TRIM14: variants seen among roughly 807,000 people sequenced by gnomAD.
TRIM14 encodes tripartite motif containing 14.
TRIM14 carries 28 observed loss-of-function variants against 44.5 expected under a neutral mutation model. That is an observed-to-expected ratio of 0.63 (90% CI 0.47 to 0.86). The LOEUF (loss-of-function observed/expected upper bound fraction) is 0.86, where lower values mean the gene tolerates loss of function less well. Among genes scored for constraint, TRIM14 ranks in the 40% least tolerant of loss-of-function variants. The pLI is 0.00. For synonymous variants in TRIM14, 299 were observed against 269.2 expected (o/e 1.11, Z -1.08); for missense variants, 607 against 611.1 (o/e 0.99, Z 0.07).
chr9:98,042,358 T>G, the TRIM14 span, among the ~76,000 whole-genome samples: 110 of 151,914 alleles, frequency 7.2e-4, no homozygotes, highest in African/African-American at 2.3e-3. Context: ...ACACTTAGTA[T>G]CTATTATTAA....
At chr9:98,079,981 A>C (rs932902963), downstream of TRIM14, among the ~76,000 whole-genome samples, 4 of 152,250 alleles carry the variant, frequency 2.6e-5, no homozygotes, top group African/African-American at 9.6e-5. Flanking sequence ...TGGGAGGCTG[A>C]GGCAGGTGGA....
In TRIM14 at chr9:98,101,395, G is replaced by A. The variant is rs187796035; in HGVS notation, c.304-1231C>T. On this transcript the variant is annotated intron_variant, in intron 2 of 5. Coordinates refer to ENST00000341469, the MANE Select transcript of TRIM14 (RefSeq NM_014788.4). ...GGGTGGTAGGGTCTATTGGTACTTCGCTTTTAGAGGACAATACGACAATAG... is the reference window on the plus strand; with the variant it reads ...GGGTGGTAGGGTCTATTGGTACTTCACTTTTAGAGGACAATACGACAATAG... Among the ~76,000 whole-genome samples, 12 of 151,886 alleles carry A rather than the reference G, an allele frequency of 7.9e-5. No individual in the cohort carries two copies. In the East Asian group the frequency reaches 1.2e-3, roughly 15 times the overall value.
At chr9:98,041,689 G>GT in the TRIM14 span, among the ~76,000 whole-genome samples, 682 of 141,344 alleles carry the variant, frequency 4.8e-3, 6 homozygotes, top group African/African-American at 0.012. Flanking sequence ...TTTTGTTTTC[G>GT]TTTTTTTTTT....
intron 6 of TRIM14, among the ~76,000 whole-genome samples, chr9:98,071,580 G>A (rs921654746): frequency 4.3e-4 from 66 of 152,324 alleles, no homozygotes; most frequent in African/African-American, 1.4e-3. Flanking sequence ...AGCAACCTGG[G>A]CTAAGGGCTA....
intron 3 of TRIM14, among the ~76,000 whole-genome samples, 153 bp downstream of exon 3, chr9:98,099,778 G>C (rs1826319935): frequency 6.6e-6 from 1 of 152,192 alleles, no homozygotes; most frequent in Admixed American, 6.5e-5. Flanking sequence ...ATATTCTCTT[G>C]ACCACCTGTG....
chr9:98,042,494 TA>T, the TRIM14 span, among the ~76,000 whole-genome samples: 2 of 152,156 alleles, frequency 1.3e-5, no homozygotes, highest in African/African-American at 2.4e-5. Flanking sequence ...ACTTGATCAA[TA>T]AATGCAAACA....
downstream of TRIM14, chr9:98,083,084 G>A (rs367667946): frequency 5.1e-5 from 82 of 1,605,248 alleles, no homozygotes; most frequent in Non-Finnish European, 6.8e-5. Context: ...TGAATTCTCA[G>A]TTCCCTTGCT....
Position 98,100,093 on chromosome 9 carries a change from C to G in TRIM14, c.375G>C (p.Glu125Asp). 6.2e-7 allele frequency: 1 copy of G among 1,614,180 alleles called. No individual in the cohort carries two copies. The highest frequency in any genetic ancestry group is 8.5e-7 in the Non-Finnish European group (1 of 1,180,028). Residue 125 changes from glutamate (E) to aspartate (D), a missense_variant, in exon 3 of 6, where the codon GAG (glutamate) becomes GAC (aspartate). This residue lies in a region of TRIM14 where 246 missense variants were observed against 270.8 expected (regional missense o/e 0.91). Transcript: ENST00000341469. ...FTELRLLLDE[E>D]EALAKKFIDK... is the part of the protein sequence containing the mutation. ...CAATGAATTTCTTGGCCAGCGCTTCCTCTTCGTCAAGTAGTAATCTGAGTT... is the reference window on the plus strand; with the variant it reads ...CAATGAATTTCTTGGCCAGCGCTTCGTCTTCGTCAAGTAGTAATCTGAGTT...
At chr9:98,075,951 A>G (rs1051681334) in intron 6 of TRIM14, 1 of 152,156 alleles carries the variant, frequency 6.6e-6, no homozygotes, top group African/African-American at 2.4e-5. Context: ...TTCAGCAAGC[A>G]TTTGCTGACA....
the TRIM14 span, among the ~76,000 whole-genome samples, chr9:98,062,040 A>G: frequency 4.0e-5 from 6 of 151,740 alleles, no homozygotes; most frequent in East Asian, 9.8e-4. Flanking sequence ...TGGGCAACAC[A>G]GGGAGACCCT....
the TRIM14 span, among the ~76,000 whole-genome samples, chr9:98,058,372 A>C: frequency 6.6e-6 from 1 of 151,748 alleles, no homozygotes; most frequent in African/African-American, 2.4e-5. Flanking sequence ...TTTTTACAAC[A>C]ACCCAATGCC....
chr9:98,071,064 G>T (rs375278658), intron 6 of TRIM14, among the ~76,000 whole-genome samples: 3 of 152,066 alleles, frequency 2.0e-5, no homozygotes, highest in Non-Finnish European at 4.4e-5. Context: ...CTCCCACCTC[G>T]GCCTCCCAAA....
chr9:98,066,681 C>T (rs559897062), downstream of TRIM14, among the ~76,000 whole-genome samples: 4 of 150,316 alleles, frequency 2.7e-5, no homozygotes, highest in East Asian at 1.9e-4. Context: ...GACAGAGTCT[C>T]GCTCTATTGC....
chr9:98,061,111 C>T, the TRIM14 span: 2 of 1,012,730 alleles, frequency 2.0e-6, no homozygotes, highest in Non-Finnish European at 3.0e-6. Context: ...TTTCTGTTCC[C>T]AGCTACTGGA....
chr9:98,040,054 G>T, the TRIM14 span, among the ~76,000 whole-genome samples: 1 of 152,046 alleles, frequency 6.6e-6, no homozygotes, highest in African/African-American at 2.4e-5. Flanking sequence ...ATGTTGCCTA[G>T]GCTGCTCTTG....
At chr9:98,053,152 G>A in the TRIM14 span, among the ~76,000 whole-genome samples, 1 of 152,190 alleles carries the variant, frequency 6.6e-6, no homozygotes, top group Admixed American at 6.5e-5. Context: ...GGCCACCACT[G>A]TCAAATGCCA....
chr9:98,071,359 G>A (rs983381648), intron 6 of TRIM14, among the ~76,000 whole-genome samples: 1 of 152,230 alleles, frequency 6.6e-6, no homozygotes, highest in Non-Finnish European at 1.5e-5. Flanking sequence ...GGACTCTAGG[G>A]TCAGATTTTA....
the TRIM14 span, among the ~76,000 whole-genome samples, chr9:98,059,201 T>A: frequency 6.6e-6 from 1 of 151,990 alleles, no homozygotes; most frequent in Non-Finnish European, 1.5e-5. Context: ...TTTTTTGTAT[T>A]TTTAGTAGAG....
Position 98,087,807 on chromosome 9 carries a change from G to A in TRIM14, c.992C>T (p.Ala331Val), listed in dbSNP as rs1825843586. 2.0e-6 allele frequency: 3 copies of A among 1,512,730 alleles called. No homozygotes were observed. The highest frequency in any genetic ancestry group is 2.6e-6 in the Non-Finnish European group (3 of 1,142,092). The allele number at this position is 1,512,730 out of a possible 1,614,324, so 93.7% of individuals were successfully genotyped here. The change falls in exon 6 of 6, where the codon GCG (alanine) becomes GTG (valine). Residue 331 changes from alanine (A) to valine (V), a missense_variant. This residue lies in a region of TRIM14 where 356 missense variants were observed against 323.0 expected (regional missense o/e 1.10). Coordinates refer to ENST00000341469, the MANE Select transcript of TRIM14 (RefSeq NM_014788.4). The part of the protein sequence containing the change: ...RHYWEVDVQE[A>V]GAGWWVGAAY... ...CGCGCCCACCCACCAGCCGGCGCCC[G>A]CCTCCTGCACGTCAACCTCCCAGTA...
Sources: allele counts gnomAD v4.1 joint callset (sites outside exome capture counted in the v4.1 genomes callset), GRCh38; gene constraint gnomAD v4.1.1; regional missense constraint gnomAD v4.1.1; transcripts MANE v1.5; gene names NCBI Gene and HGNC (gene_info 2026-07-23, HGNC 2026-07-21).